Variants in EYS observed in about 807,000 individuals in gnomAD.
EYS encodes the protein EGF-like photoreceptor maintenance factor.
A neutral mutation model predicts 282.1 loss-of-function variants in EYS; 250 were observed. The ratio of observed to expected loss-of-function variants is 0.89; its 90% confidence interval spans 0.80 to 0.98. EYS has a LOEUF of 0.98. Among genes scored for constraint, EYS ranks in the 50% least tolerant of loss-of-function variants. The pLI, the probability that EYS is intolerant of heterozygous loss-of-function variation, is 0.00. For missense variants in EYS, 4,016 were observed against 3,709.0 expected (o/e 1.08, Z -2.15); for synonymous variants, 1,355 against 1,282.9 (o/e 1.06, Z -1.20).
intron 31 of EYS, among the ~76,000 whole-genome samples, chr6:64,174,687 C>CAT (rs1400250700): frequency 2.0e-5 from 3 of 151,686 alleles, no homozygotes; most frequent in Non-Finnish European, 4.4e-5. Flanking sequence ...TCTCATAGGA[C>CAT]ATATGTTTTA....
chr6:63,859,095 T>G (rs924961701), intron 36 of EYS, among the ~76,000 whole-genome samples: 84 of 123,484 alleles, frequency 6.8e-4, no homozygotes, highest in Admixed American at 2.1e-3. Flanking sequence ...TTTTTTTTTT[T>G]TTTTTTTTTT....
chr6:64,412,352 C>T (rs1280845929), intron 28 of EYS, among the ~76,000 whole-genome samples: 2 of 151,906 alleles, frequency 1.3e-5, no homozygotes, highest in African/African-American at 2.4e-5. Context: ...AACAATTGTT[C>T]CCAAACAAAT....
intron 32 of EYS, among the ~76,000 whole-genome samples, chr6:64,070,350 TAAG>T (rs1463367127): frequency 7.9e-5 from 12 of 152,134 alleles, no homozygotes; most frequent in African/African-American, 2.9e-4. Flanking sequence ...TATTGTATAA[TAAG>T]ATATCAAATT....
At chr6:65,524,116 C>T (rs1767471514) in intron 2 of EYS, among the ~76,000 whole-genome samples, 1 of 152,186 alleles carries the variant, frequency 6.6e-6, no homozygotes, top group South Asian at 2.1e-4. Flanking sequence ...AGATGATCCG[C>T]CCACCTTGGC....
At chr6:64,211,821 A>C (rs1423838376) in intron 31 of EYS, among the ~76,000 whole-genome samples, 1 of 151,576 alleles carries the variant, frequency 6.6e-6, no homozygotes, top group Non-Finnish European at 1.5e-5. Flanking sequence ...CCTTCTCAAA[A>C]AGAATATAGT....
intron 29 of EYS, among the ~76,000 whole-genome samples, chr6:64,313,797 C>A (rs955890210): frequency 1.3e-5 from 2 of 152,116 alleles, no homozygotes; most frequent in African/African-American, 4.8e-5. Context: ...AAATAAAATT[C>A]ATTACAGACA....
chr6:64,688,280 T>C (rs2149911698), intron 22 of EYS, among the ~76,000 whole-genome samples: 1 of 152,278 alleles, frequency 6.6e-6, no homozygotes, highest in Middle Eastern at 3.4e-3. Context: ...TTGAATGTGT[T>C]TGCTCTTGCT....
intron 2 of EYS, among the ~76,000 whole-genome samples, chr6:65,626,088 T>C (rs776184248): frequency 6.6e-6 from 1 of 152,154 alleles, no homozygotes; most frequent in Non-Finnish European, 1.5e-5. Flanking sequence ...GTGATGTGTA[T>C]AGTCTCTTAG....
At chr6:64,718,010 T>C (rs147394110) in intron 22 of EYS, among the ~76,000 whole-genome samples, 2 of 152,200 alleles carry the variant, frequency 1.3e-5, no homozygotes, top group Non-Finnish European at 2.9e-5. Context: ...TCAGACATTA[T>C]GAAATGACCC....
chr6:65,080,837 C>A (rs1285968356), intron 12 of EYS, among the ~76,000 whole-genome samples: 1 of 152,114 alleles, frequency 6.6e-6, no homozygotes, highest in African/African-American at 2.4e-5. Context: ...TTCATAAGCA[C>A]TAAATTTTGC....
chr6:64,048,198 G>A (rs752707978), intron 33 of EYS, among the ~76,000 whole-genome samples: 3 of 152,090 alleles, frequency 2.0e-5, no homozygotes, highest in Non-Finnish European at 4.4e-5. Flanking sequence ...AAGCCACTGC[G>A]CACGGCCTTG....
intron 30 of EYS, among the ~76,000 whole-genome samples, chr6:64,239,514 CT>C (rs1049799363): frequency 6.6e-6 from 1 of 151,764 alleles, no homozygotes; most frequent in Non-Finnish European, 1.5e-5. Flanking sequence ...TGATCATGAG[CT>C]TTTTTTCATA....
rs555174372 is a variant in EYS at position 64,795,281 on chromosome 6, T to C, written c.3443+18097A>G. Among the ~76,000 whole-genome samples the C allele has an allele frequency of 2.6e-5, 4 of 151,972 alleles. 1 individual carries two copies. The highest frequency in any genetic ancestry group is 7.2e-5 in the African/African-American group (3 of 41,466). ...GACATTGCCTTTTATTTTGAAATTA[T>C]ACATGATATTTGTGTTTCCTAGAAG... On this transcript the variant is annotated intron_variant, in intron 22 of 42. Coordinates refer to ENST00000503581, the MANE Select transcript of EYS (RefSeq NM_001142800.2).
intron 36 of EYS, among the ~76,000 whole-genome samples, chr6:63,853,216 T>A (rs1240086412): frequency 6.6e-6 from 1 of 152,160 alleles, no homozygotes; most frequent in African/African-American, 2.4e-5. Context: ...GATGACATGA[T>A]TGTATATTTA....
chr6:64,169,307 A>AC (rs1167694324), intron 31 of EYS, among the ~76,000 whole-genome samples: 1 of 152,158 alleles, frequency 6.6e-6, no homozygotes, highest in Non-Finnish European at 1.5e-5. Context: ...AAAAAACAGG[A>AC]GGTAGCAGAA....
intron 36 of EYS, among the ~76,000 whole-genome samples, chr6:63,848,185 CGATGAGATT>C (rs1562058093): frequency 6.6e-6 from 1 of 151,962 alleles, no homozygotes; most frequent in Admixed American, 6.6e-5. Flanking sequence ...TGACTTTTTA[CGATGAGATT>C]GCTGTATTAG....
At chr6:65,537,417 T>G (rs1227078111) in intron 2 of EYS, among the ~76,000 whole-genome samples, 2 of 152,046 alleles carry the variant, frequency 1.3e-5, no homozygotes, top group African/African-American at 4.8e-5. Context: ...ACCCTAAACA[T>G]TAAACATTTC....
intron 12 of EYS, among the ~76,000 whole-genome samples, chr6:65,222,715 G>A (rs918009393): frequency 3.3e-5 from 5 of 152,194 alleles, no homozygotes; most frequent in Non-Finnish European, 7.3e-5. Flanking sequence ...CCTACTTTGT[G>A]AAGTCACAGG....
chr6:63,739,032 C>T (rs551982312), intron 41 of EYS, among the ~76,000 whole-genome samples: 2 of 152,104 alleles, frequency 1.3e-5, no homozygotes, highest in South Asian at 2.1e-4. Context: ...TTTTTCTCAT[C>T]CTCCTTCATT....
Sources: allele counts gnomAD v4.1 joint callset (sites outside exome capture counted in the v4.1 genomes callset), GRCh38; gene constraint gnomAD v4.1.1; transcripts MANE v1.5; gene names NCBI Gene and HGNC (gene_info 2026-07-23, HGNC 2026-07-21).